Variants in UBAP2 observed in about 807,000 individuals in gnomAD.
The protein encoded by UBAP2 is ubiquitin-associated protein 2.
UBAP2 carries 75 observed loss-of-function variants against 139.6 expected under a neutral mutation model. The ratio of observed to expected loss-of-function variants is 0.54; its 90% CI spans 0.45 to 0.65. The LOEUF (loss-of-function observed/expected upper bound fraction) is 0.65, where lower values mean the gene tolerates loss of function less well. UBAP2 is among the 30% of genes least tolerant of loss of function. The pLI is 0.00. For missense variants in UBAP2, 1,368 were observed against 1,369.6 expected, an observed-to-expected ratio of 1.00 and a Z score of 0.02; for synonymous variants, 526 against 526.2, an observed-to-expected ratio of 1.00 and a Z score of 0.01.
At chr9:33,944,989 G>A (rs1421259351) in intron 13 of UBAP2, among the ~76,000 whole-genome samples, 7 of 152,000 alleles carry the variant, frequency 4.6e-5, no homozygotes. Flanking sequence ...TTTGAGCCAG[G>A]CACAGTCACT....
intron 1 of UBAP2, among the ~76,000 whole-genome samples, chr9:34,037,379 C>T (rs1318161790): frequency 6.6e-6 from 1 of 152,198 alleles, no homozygotes; most frequent in African/African-American, 2.4e-5. Context: ...AAGTGATCCA[C>T]TTGCCTTGGT....
rs943370586 is a variant in UBAP2 at position 33,923,090 on chromosome 9, C to T, written c.3005-57G>A. 6 of 1,613,050 alleles carry T rather than the reference C, an allele frequency of 3.7e-6. No individual in the cohort carries two copies. In the African/African-American group the frequency reaches 6.7e-5, roughly 18 times the overall value. ...GTTGTTCCCAGCTCCAGGCTCCCCA[C>T]CTCCAGGATCACTCAGGGGTTGCCC... On this transcript the variant is annotated intron_variant, in intron 26 of 28. Coordinates refer to ENST00000379238, the MANE Select transcript of UBAP2 (RefSeq NM_001370062.2).
At chr9:33,953,223 T>C in intron 12 of UBAP2, 62 bp downstream of exon 12, 1 of 1,443,098 alleles carries the variant, frequency 6.9e-7, no homozygotes, top group Non-Finnish European at 9.5e-7. Flanking sequence ...TATCATATTC[T>C]AGAATACATT....
intron 2 of UBAP2, among the ~76,000 whole-genome samples, chr9:33,999,853 CGTAT>C (rs67444158): frequency 0.15 from 20,397 of 138,090 alleles, 1,675 homozygotes; most frequent in African/African-American, 0.24. Context: ...GGGATTACTA[CGTAT>C]GTATGTATGT....
intron 10 of UBAP2, among the ~76,000 whole-genome samples, chr9:33,959,016 G>A (rs1826803808): frequency 6.6e-6 from 1 of 151,994 alleles, no homozygotes; most frequent in African/African-American, 2.4e-5. Context: ...AGGCATGGTG[G>A]CGTGCATCTA....
intron 4 of UBAP2, chr9:33,995,443 T>C (rs1241353976): frequency 7.3e-6 from 1 of 137,482 alleles, no homozygotes; most frequent in East Asian, 2.0e-4. Context: ...ACAAATATTA[T>C]AAATATTATA....
intron 22 of UBAP2, among the ~76,000 whole-genome samples, chr9:33,925,188 C>T (rs374901784): frequency 6.6e-6 from 1 of 152,122 alleles, no homozygotes; most frequent in Non-Finnish European, 1.5e-5. Context: ...GGGCTGTGCC[C>T]GATCCCAGAA....
rs1266182947 is a variant in UBAP2 at position 34,002,896 on chromosome 9, C to G, written c.100-4032G>C. Among the ~76,000 whole-genome samples, 4 of 151,858 alleles carry G rather than the reference C, an allele frequency of 2.6e-5. No individual in the cohort carries two copies. The East Asian group carries it at 7.7e-4, about 29-fold the overall frequency. On this transcript the variant is annotated intron_variant, in intron 2 of 28. Transcript: ENST00000379238. ...ACAAACAAGGTTCCGCCATGTTGCC[C>G]AGATTAATATTGAACCCCCCGAGCT...
At chr9:33,963,015 A>C (rs1827187977) in intron 9 of UBAP2, among the ~76,000 whole-genome samples, 2 of 151,948 alleles carry the variant, frequency 1.3e-5, no homozygotes, top group South Asian at 4.1e-4. Flanking sequence ...ATAAAAATAA[A>C]AAAGACTGGC....
At chr9:34,041,894 G>A (rs781319828) in intron 1 of UBAP2, among the ~76,000 whole-genome samples, 22 of 151,700 alleles carry the variant, frequency 1.5e-4, no homozygotes, top group South Asian at 4.2e-4. Flanking sequence ...GCATGGTGGC[G>A]GGCACCTGTA....
intron 2 of UBAP2, among the ~76,000 whole-genome samples, chr9:34,011,018 A>C (rs577559950): frequency 6.6e-6 from 1 of 152,256 alleles, no homozygotes; most frequent in African/African-American, 2.4e-5. Flanking sequence ...TTTAAACTTG[A>C]AAACTGCCTG....
At chr9:34,016,681 G>A (rs7020022) in intron 2 of UBAP2, among the ~76,000 whole-genome samples, 19,142 of 150,938 alleles carry the variant, frequency 0.13, 1,547 homozygotes, top group African/African-American at 0.22. Flanking sequence ...TTAGCCTCCC[G>A]AGAAGCTAGG....
chr9:33,929,527 T>C (rs540238739), intron 19 of UBAP2, among the ~76,000 whole-genome samples: 1 of 152,268 alleles, frequency 6.6e-6, no homozygotes, highest in East Asian at 1.9e-4. Flanking sequence ...TTCCTTTATG[T>C]ATTGATGGAG....
intron 13 of UBAP2, among the ~76,000 whole-genome samples, chr9:33,945,675 C>CAT (rs756250199): frequency 3.3e-5 from 5 of 152,132 alleles, no homozygotes; most frequent in Non-Finnish European, 7.4e-5. Context: ...GACAGACAGA[C>CAT]ATATATATAC....
chr9:33,932,689 C>A (rs1212922993), intron 18 of UBAP2, 61 bp from the exon 19 acceptor site: 6 of 1,584,318 alleles, frequency 3.8e-6, no homozygotes, highest in African/African-American at 1.3e-5. Flanking sequence ...ATGAACAAGA[C>A]GCACGTGGGT....
intron 20 of UBAP2, 103 bp downstream of exon 20, chr9:33,927,694 C>T (rs534288137): frequency 1.4e-5 from 18 of 1,249,358 alleles, no homozygotes; most frequent in Admixed American, 1.3e-4. Context: ...GCGCACTCGG[C>T]GGGCCTGAGA....
chr9:33,922,207 C>T lies in UBAP2; in HGVS notation c.*297G>A. 5.0e-6 allele frequency: 2 copies of T among 397,514 alleles called. No homozygotes were observed. Among genetic ancestry groups the T allele is most frequent in the Non-Finnish European group, 9.3e-6 (2 of 214,036 alleles). The allele number at this position is 397,514 out of a possible 1,614,324, so 24.6% of individuals were successfully genotyped here. ...GCAGGCTGTGAAGAAGACCTGAAGGCAGATGGGGTGGGGGTGCTTATTTTG... is the reference window on the plus strand; with the variant it reads ...GCAGGCTGTGAAGAAGACCTGAAGGTAGATGGGGTGGGGGTGCTTATTTTG... On this transcript the variant is annotated 3_prime_UTR_variant, in exon 29 of 29. Coordinates refer to ENST00000379238, the MANE Select transcript of UBAP2 (RefSeq NM_001370062.2).
intron 4 of UBAP2, among the ~76,000 whole-genome samples, chr9:33,992,654 G>T (rs990110055): frequency 1.3e-5 from 1 of 76,612 alleles, no homozygotes; most frequent in Non-Finnish European, 3.0e-5. Context: ...AACTTATCGG[G>T]CGGAGGGGGG....
intron 1 of UBAP2, among the ~76,000 whole-genome samples, chr9:34,017,434 C>T (rs746015152): frequency 6.6e-6 from 1 of 152,134 alleles, no homozygotes; most frequent in Non-Finnish European, 1.5e-5. Flanking sequence ...CCAATTTTAA[C>T]CAGCAACCAT....
Sources: gnomAD v4.1 joint callset for allele counts (sites outside exome capture counted in the v4.1 genomes callset) on GRCh38, gnomAD v4.1.1 for gene constraint, MANE v1.5 for transcripts, NCBI Gene and HGNC (gene_info 2026-07-23, HGNC 2026-07-21) for gene names.